Variants in SVEP1 observed in about 807,000 individuals in gnomAD.
The protein encoded by SVEP1 is sushi, von Willebrand factor type A, EGF and pentraxin domain containing 1.
In SVEP1, 164 loss-of-function variants were observed where a neutral mutation model predicts 367.3. That is an observed-to-expected ratio of 0.45 (90% CI 0.39 to 0.51). The LOEUF (loss-of-function observed/expected upper bound fraction) is 0.51, where lower values mean the gene tolerates loss of function less well. Among genes scored for constraint, SVEP1 ranks in the 20% least tolerant of loss-of-function variants. The probability of loss-of-function intolerance (pLI) is 0.00; values close to 1 mark genes in which losing one functional copy is unlikely to be tolerated. For missense variants in SVEP1, 4,117 were observed against 4,425.3 expected (o/e 0.93, Z 1.98); for synonymous variants, 1,666 against 1,611.6 (o/e 1.03, Z -0.81).
chr9:110,547,699 A>G (rs542993113), intron 2 of SVEP1, among the ~76,000 whole-genome samples: 1 of 152,290 alleles, frequency 6.6e-6, no homozygotes, highest in South Asian at 2.1e-4. Context: ...TCTGTAACCT[A>G]TGTCTATCGA....
At chr9:110,542,114 C>T (rs936307576) in intron 3 of SVEP1, among the ~76,000 whole-genome samples, 23 of 151,998 alleles carry the variant, frequency 1.5e-4, no homozygotes, top group Admixed American at 3.9e-4. Flanking sequence ...TTCTGTGTTG[C>T]GAAACATTTT....
intron 3 of SVEP1, among the ~76,000 whole-genome samples, chr9:110,541,363 T>A (rs1830142620): frequency 6.6e-6 from 1 of 152,124 alleles, no homozygotes; most frequent in African/African-American, 2.4e-5. Context: ...TTCTCCCATC[T>A]AATAGTCTTG....
At chr9:110,492,514 T>C (rs1463523733) in intron 8 of SVEP1, among the ~76,000 whole-genome samples, 12 of 152,134 alleles carry the variant, frequency 7.9e-5, no homozygotes, top group Admixed American at 7.9e-4. Context: ...TTAAAAAGAC[T>C]ATATTCCTTC....
Position 110,411,518 on chromosome 9 carries a change from C to T in SVEP1, c.6193G>A (p.Gly2065Ser). 1 of 1,614,000 alleles carries T rather than the reference C, an allele frequency of 6.2e-7. No homozygotes were observed. ...TGACCTTCTGGGGGTACCCACTTGC[C>T]CTGGGCATTGCAGAGAAGCTGGGAA... is the stretch of plus-strand genomic sequence containing the variant. ...DNSQLLCNAQ[G>S]KWVPPEGQDM... The change falls in exon 37 of 48, where the codon GGC becomes AGC. Residue 2065 changes from glycine (G) to serine (S), a missense_variant. This residue lies in a region of SVEP1 where 2,174 missense variants were observed against 2,494.3 expected (regional missense o/e 0.87). Coordinates refer to ENST00000374469, the MANE Select transcript of SVEP1 (RefSeq NM_153366.4).
At chr9:110,471,634 A>G (rs1164646027) in intron 15 of SVEP1, 37 bp from the exon 16 acceptor site, 2 of 1,467,280 alleles carry the variant, frequency 1.4e-6, no homozygotes, top group Non-Finnish European at 1.9e-6. Flanking sequence ...ACACAAACAC[A>G]TGGTGTTTCA....
Position 110,366,513 on chromosome 9 carries a change from G to T in SVEP1, c.*26C>A. 1 of 1,547,114 alleles carries T rather than the reference G, an allele frequency of 6.5e-7. No individual in the cohort carries two copies. On this transcript the variant is annotated 3_prime_UTR_variant, in exon 48 of 48. Transcript: ENST00000374469. ...ACCGAGGAGAGATGATCCTGCTTTT[G>T]GGAGAGCCAGATGGTCGTGCAGTGG...
chr9:110,395,228 C>A (rs4634729), intron 40 of SVEP1, among the ~76,000 whole-genome samples: 9,208 of 152,154 alleles, frequency 0.061, 342 homozygotes, highest in Non-Finnish European at 0.085. Context: ...ATTTTCAACC[C>A]AGAATTTCAT....
Position 110,489,742 on chromosome 9 carries a change from T to C in SVEP1, c.1838A>G (p.Tyr613Cys). The stretch of plus-strand genomic sequence containing the variant: ...AGCAACATCTCCAATTGGGAAAAGG[T>C]AAGGTGGGGTGAAAGCTGGATGAAC... ...VHVHPAFTPPYLFPIGDVAIV... is the reference protein window; with the variant it reads ...VHVHPAFTPPCLFPIGDVAIV... The change falls in exon 9 of 48, where the codon TAC (tyrosine) becomes TGC (cysteine). Residue 613 changes from tyrosine (Y) to cysteine (C), a missense_variant. This residue lies in a region of SVEP1 where 2,174 missense variants were observed against 2,494.3 expected (regional missense o/e 0.87). Coordinates refer to ENST00000374469, the MANE Select transcript of SVEP1 (RefSeq NM_153366.4). 1 of 1,613,356 alleles carries C rather than the reference T, an allele frequency of 6.2e-7. No individual in the cohort carries two copies. The highest frequency in any genetic ancestry group is 8.5e-7 in the Non-Finnish European group (1 of 1,179,530).
At chr9:110,538,349 T>G (rs1345206834) in intron 3 of SVEP1, among the ~76,000 whole-genome samples, 1 of 152,026 alleles carries the variant, frequency 6.6e-6, no homozygotes, top group Non-Finnish European at 1.5e-5. Flanking sequence ...ACAAATCCAT[T>G]ATTACATACC....
intron 40 of SVEP1, among the ~76,000 whole-genome samples, chr9:110,390,038 TAA>T (rs58103384): frequency 0.29 from 37,876 of 128,554 alleles, 5,326 homozygotes; most frequent in South Asian, 0.38. Context: ...TATATATATA[TAA>T]GTATATATAC....
Position 110,406,803 on chromosome 9 carries a change from A to G in SVEP1, c.8797T>C (p.Ser2933Pro). 1 of 1,614,026 alleles carries G rather than the reference A, an allele frequency of 6.2e-7. No individual in the cohort carries two copies. Among genetic ancestry groups the G allele is most frequent in the East Asian group, 2.2e-5 (1 of 44,890 alleles). Residue 2933 changes from serine (S) to proline (P), a missense_variant, in exon 38 of 48, where the codon TCA (serine) becomes CCA (proline). Physicochemically the swap from Ser to Pro is moderately conservative, Grantham distance 74 (BLOSUM62 -1). Transcript: ENST00000374469. ...ATCTCTGCATCCCAGTTGCCATCTG[A>G]CTGACAGGTGAGTTTTGGAGCACCG... is the stretch of plus-strand genomic sequence containing the variant. ...LHGAPKLTCQ[S>P]DGNWDAEIPL...
chr9:110,374,981 A>C (rs565150084), intron 46 of SVEP1, among the ~76,000 whole-genome samples: 1 of 151,264 alleles, frequency 6.6e-6, no homozygotes, highest in Admixed American at 6.6e-5. Context: ...ATTTTAACTT[A>C]AATTGTATTT....
intron 36 of SVEP1, among the ~76,000 whole-genome samples, chr9:110,413,894 C>T (rs1828080875): frequency 1.3e-5 from 2 of 151,886 alleles, no homozygotes; most frequent in African/African-American, 4.9e-5. Flanking sequence ...TAATTGAGTA[C>T]CTAGTTTAAT....
At chr9:110,394,136 C>A (rs915365799) in intron 40 of SVEP1, among the ~76,000 whole-genome samples, 20 of 151,984 alleles carry the variant, frequency 1.3e-4, no homozygotes, top group Non-Finnish European at 2.1e-4. Context: ...CCTCACATGG[C>A]CGGGTATTCC....
At position 110,385,877 on chromosome 9, in the gene SVEP1, GGCTTCC is replaced by G. The variant is rs1241271885; in HGVS notation, c.10237+15_10237+20del. ...ACATTTCGCACTAGCGGCATGAACTGGCTTCCGCCTGCTGACTTACTTTCACATTTG... is the reference window on the plus strand; with the variant it reads ...ACATTTCGCACTAGCGGCATGAACTGGCCTGCTGACTTACTTTCACATTTG... On this transcript the variant is annotated intron_variant, in intron 43 of 47. Coordinates refer to ENST00000374469, the MANE Select transcript of SVEP1 (RefSeq NM_153366.4). 1.2e-6 allele frequency: 2 copies of G among 1,608,296 alleles called. No homozygotes were observed. Among genetic ancestry groups the G allele is most frequent in the Non-Finnish European group, 1.7e-6 (2 of 1,177,272 alleles).
intron 36 of SVEP1, among the ~76,000 whole-genome samples, chr9:110,423,151 A>T (rs139595537): frequency 0.024 from 3,282 of 137,618 alleles, 122 homozygotes; most frequent in African/African-American, 0.086. Flanking sequence ...AAAAAATAAA[A>T]AAATAAAAAA....
Position 110,387,403 on chromosome 9 carries a change from G to C in SVEP1, c.9942C>G (p.Asn3314Lys), listed in dbSNP as rs1369965055. 1 of 1,613,100 alleles carries C rather than the reference G, an allele frequency of 6.2e-7. No homozygotes were observed. The highest frequency in any genetic ancestry group is 8.5e-7 in the Non-Finnish European group (1 of 1,179,694). The change falls in exon 42 of 48, where the codon AAC (asparagine) becomes AAG (lysine). Residue 3314 changes from asparagine to lysine, a missense_variant. Asn to Lys is a moderately conservative substitution (Grantham distance 94). Transcript: ENST00000374469. ...ATACCACGTTGGGTCCAGTCGTCCT[G>C]TTTTCAATGTCAGCTTTCCCATTGA... The part of the protein sequence containing the change: ...EFLNGKADIE[N>K]RTTGPNVVYS...
chr9:110,521,880 G>A (rs1415269585), intron 3 of SVEP1, among the ~76,000 whole-genome samples: 2 of 151,882 alleles, frequency 1.3e-5, no homozygotes, highest in African/African-American at 4.8e-5. Flanking sequence ...AAACAATTTT[G>A]GTTTAACTAC....
At chr9:110,396,845 T>A (rs1220786349) in intron 40 of SVEP1, among the ~76,000 whole-genome samples, 1 of 152,168 alleles carries the variant, frequency 6.6e-6, no homozygotes, top group Non-Finnish European at 1.5e-5. Flanking sequence ...ATTGAGGCAA[T>A]AATCAATAGC....
Sources: allele counts gnomAD v4.1 joint callset (sites outside exome capture counted in the v4.1 genomes callset), GRCh38; gene constraint gnomAD v4.1.1; regional missense constraint gnomAD v4.1.1; transcripts MANE v1.5; gene names NCBI Gene and HGNC (gene_info 2026-07-23, HGNC 2026-07-21).